Variants in GSK3B observed in about 807,000 individuals in gnomAD.
The protein encoded by GSK3B is glycogen synthase kinase-3 beta.
Under a neutral mutation model 56.4 loss-of-function variants are expected in GSK3B, and 15 were observed. The ratio of observed to expected loss-of-function variants is 0.27; its 90% CI spans 0.18 to 0.41. The LOEUF (loss-of-function observed/expected upper bound fraction) is 0.41. Among genes scored for constraint, GSK3B ranks in the 10% least tolerant of loss-of-function variants. The pLI, the probability that GSK3B is intolerant of heterozygous loss-of-function variation, is 1.00. For synonymous variants in GSK3B, 181 were observed against 188.9 expected (o/e 0.96, Z 0.34); for missense variants, 300 against 513.4 (o/e 0.58, Z 4.02).
At chr3:119,861,795 ACT>A in intron 9 of GSK3B, among the ~76,000 whole-genome samples, 1 of 152,276 alleles carries the variant, frequency 6.6e-6, no homozygotes, top group African/African-American at 2.4e-5. Flanking sequence ...GCGTAAGCAC[ACT>A]CTGTAACGTC....
intron 1 of GSK3B, among the ~76,000 whole-genome samples, chr3:120,007,673 A>C (rs763389947): frequency 3.9e-5 from 6 of 152,218 alleles, no homozygotes; most frequent in Non-Finnish European, 8.8e-5. Flanking sequence ...AAACCACATG[A>C]TTATCTCAAT....
chr3:120,011,909 C>A (rs1158881657), intron 1 of GSK3B, among the ~76,000 whole-genome samples: 1 of 152,152 alleles, frequency 6.6e-6, no homozygotes, highest in Non-Finnish European at 1.5e-5. Context: ...TCATCGCATG[C>A]CTCGTGCTGC....
intron 1 of GSK3B, chr3:120,028,733 TG>T: frequency 2.1e-6 from 1 of 469,026 alleles, no homozygotes. Flanking sequence ...GGGCAGAGGT[TG>T]GGAAGATGGC....
intron 4 of GSK3B, among the ~76,000 whole-genome samples, chr3:119,922,343 T>G (rs1453569995): frequency 6.7e-6 from 1 of 148,258 alleles, no homozygotes; most frequent in East Asian, 1.9e-4. Flanking sequence ...ATACTTTATA[T>G]ATAAATATAT....
At position 119,854,446 on chromosome 3, in the gene GSK3B, G is replaced by C. The variant is rs1007248845; in HGVS notation, c.1096+8973C>G. Among the ~76,000 whole-genome samples, 12 of 152,284 alleles carry C rather than the reference G, an allele frequency of 7.9e-5. No homozygotes were observed. The East Asian group carries it at 2.3e-3, about 29-fold the overall frequency. On this transcript the variant is annotated intron_variant, in intron 9 of 10. Transcript: ENST00000264235. ...ATGCTGGCCTCATAAAATGAGTTAG[G>C]GAGAATTCCCTCTTTTTCTATTGAC... is the stretch of plus-strand genomic sequence containing the variant.
intron 1 of GSK3B, among the ~76,000 whole-genome samples, chr3:120,056,214 C>T (rs1295926524): frequency 6.6e-6 from 1 of 152,180 alleles, no homozygotes; most frequent in Non-Finnish European, 1.5e-5. Context: ...CTTACTATAT[C>T]TTAATAAAGT....
intron 9 of GSK3B, among the ~76,000 whole-genome samples, chr3:119,862,446 G>A (rs2056116595): frequency 7.9e-6 from 1 of 126,526 alleles, no homozygotes; most frequent in Admixed American, 8.6e-5. Flanking sequence ...AGTGGGTGCA[G>A]CACACCAGTA....
intron 2 of GSK3B, among the ~76,000 whole-genome samples, chr3:119,984,361 C>A (rs557271712): frequency 4.6e-4 from 68 of 146,270 alleles, no homozygotes; most frequent in Admixed American, 2.3e-3. Context: ...AAGATCAGAG[C>A]AGAACTGAAG....
At chr3:120,087,939 C>A (rs2058479189) in intron 1 of GSK3B, among the ~76,000 whole-genome samples, 1 of 152,064 alleles carries the variant, frequency 6.6e-6, no homozygotes, top group African/African-American at 2.4e-5. Flanking sequence ...GTCGCCCAGG[C>A]TGGAGTGCAG....
intron 8 of GSK3B, among the ~76,000 whole-genome samples, chr3:119,869,767 T>C (rs2056229400): frequency 6.6e-6 from 1 of 152,242 alleles, no homozygotes; most frequent in Admixed American, 6.5e-5. Flanking sequence ...TGAGGACCTA[T>C]TGTGCATAAC....
At chr3:119,864,663 G>A (rs1211661703) in intron 8 of GSK3B, among the ~76,000 whole-genome samples, 1 of 152,242 alleles carries the variant, frequency 6.6e-6, no homozygotes, top group Non-Finnish European at 1.5e-5. Flanking sequence ...GGAGCAGCCT[G>A]GAAGGCTAAG....
At chr3:120,000,239 GGCAAATCCAAA>G (rs1442149988) in intron 2 of GSK3B, among the ~76,000 whole-genome samples, 1 of 152,102 alleles carries the variant, frequency 6.6e-6, no homozygotes, top group Non-Finnish European at 1.5e-5. Context: ...AAAAAGAAAA[GGCAAATCCAAA>G]GTTCTGGGAA....
intron 10 of GSK3B, among the ~76,000 whole-genome samples, chr3:119,831,484 TGA>T (rs2055598122): frequency 6.6e-6 from 1 of 151,966 alleles, no homozygotes; most frequent in Non-Finnish European, 1.5e-5. Context: ...GGTGAAACCC[TGA>T]CTCTACTAAA....
At chr3:119,831,666 A>AG in intron 10 of GSK3B, among the ~76,000 whole-genome samples, 2 of 152,254 alleles carry the variant, frequency 1.3e-5, no homozygotes, top group East Asian at 3.9e-4. Flanking sequence ...CAAAAAAAAA[A>AG]AAAAATAAGA....
Position 119,916,215 on chromosome 3 carries a change from T to C in GSK3B, c.478-41A>G, listed in dbSNP as rs9825770. On this transcript the variant is annotated intron_variant, in intron 4 of 10. Transcript: ENST00000264235. ...GAAATTAATTAAATACTTCCTATTC[T>C]AAACAAATCAGAATCCTTAAGCAGT... The C allele has an allele frequency of 3.2e-3, 4,840 of 1,517,208 alleles. 138 individuals carry two copies. In the African/African-American group the frequency reaches 0.059, roughly 19 times the overall value. 94.0% of individuals were successfully genotyped at this position (1,517,208 alleles called of 1,614,324 possible).
rs971255027 is a variant in GSK3B, at chr3:119,879,267, G to A, written c.814-2759C>T. 5.3e-5 allele frequency among the ~76,000 whole-genome samples: 8 copies of A among 152,020 alleles called. No homozygotes were observed. In the East Asian group the frequency reaches 1.2e-3, roughly 22 times the overall value. ...GTGATCTCAGCTCACTGCAAGCTCC[G>A]GCTCCTGGGCTCACACCATTCTCCT... is the stretch of plus-strand genomic sequence containing the variant. On this transcript the variant is annotated intron_variant, in intron 7 of 10. Coordinates refer to ENST00000264235, the MANE Select transcript of GSK3B (RefSeq NM_001146156.2).
At chr3:119,989,647 A>G (rs1417143852) in intron 2 of GSK3B, among the ~76,000 whole-genome samples, 1 of 141,386 alleles carries the variant, frequency 7.1e-6, no homozygotes, top group Non-Finnish European at 1.5e-5. Flanking sequence ...TCTGACTCCA[A>G]AAAAAAAAAA....
At chr3:119,884,764 G>A (rs1046130533) in intron 7 of GSK3B, among the ~76,000 whole-genome samples, 2 of 152,008 alleles carry the variant, frequency 1.3e-5, no homozygotes, top group East Asian at 1.9e-4. Flanking sequence ...GTAAGATCAC[G>A]AGGTTATAAA....
Position 119,859,163 on chromosome 3 carries a change from C to T in GSK3B, c.1096+4256G>A, listed in dbSNP as rs114574170. On this transcript the variant is annotated intron_variant, in intron 9 of 10. Coordinates refer to ENST00000264235, the MANE Select transcript of GSK3B (RefSeq NM_001146156.2). ...AGGCTTAGTCAACACAGAGTTGACA[C>T]GAACGTTTTATTTGTGTATATAAAA... Among the ~76,000 whole-genome samples, 633 of 135,902 alleles carry T rather than the reference C, an allele frequency of 4.7e-3. 2 individuals are homozygous for T. The highest frequency in any genetic ancestry group is 0.016 in the African/African-American group (594 of 37,250). 89.2% of individuals were successfully genotyped at this position (135,902 alleles called of 152,430 possible). A position where few individuals can be genotyped will look rare whatever the true frequency, so the allele number is the denominator to read the frequency against.
Sources: gnomAD v4.1 joint callset for allele counts (sites outside exome capture counted in the v4.1 genomes callset) on GRCh38, gnomAD v4.1.1 for gene constraint, MANE v1.5 for transcripts, NCBI Gene and HGNC (gene_info 2026-07-23, HGNC 2026-07-21) for gene names.